Variants in MTHFSD observed in about 807,000 individuals in gnomAD.
The protein encoded by MTHFSD is methenyltetrahydrofolate synthetase domain containing, also known as methenyltetrahydrofolate synthase domain-containing protein.
A neutral mutation model predicts 31.1 loss-of-function variants in MTHFSD; 37 were observed. The observed-to-expected ratio is 1.19, with a 90% CI of 0.91 to 1.56. The LOEUF (loss-of-function observed/expected upper bound fraction) is 1.56, where lower values mean the gene tolerates loss of function less well. Among genes scored for constraint, MTHFSD ranks in the 40% most tolerant of loss-of-function variants. The pLI, the probability that MTHFSD is intolerant of heterozygous loss-of-function variation, is 0.00. For missense variants in MTHFSD, 664 were observed against 510.1 expected (o/e 1.30, Z -2.91); for synonymous variants, 221 against 206.9 (o/e 1.07, Z -0.59).
intron 7 of MTHFSD, chr16:86,532,731 T>G: frequency 3.0e-6 from 1 of 335,660 alleles, no homozygotes. Flanking sequence ...CTGGAGCGTT[T>G]GCCACGAGCT....
intron 7 of MTHFSD, among the ~76,000 whole-genome samples, chr16:86,536,337 A>C (rs1597324924): frequency 6.6e-6 from 1 of 152,196 alleles, no homozygotes; most frequent in Non-Finnish European, 1.5e-5. Context: ...AGGCCAAGGG[A>C]CCGTGCTGCC....
intron 3 of MTHFSD, among the ~76,000 whole-genome samples, chr16:86,551,555 G>A (rs1291190623): frequency 1.3e-5 from 2 of 152,218 alleles, no homozygotes; most frequent in East Asian, 3.8e-4. Context: ...GTTCAGCAGT[G>A]TTGAGAAGAA....
rs1044483867 is a variant in MTHFSD at position 86,532,007 on chromosome 16, G to A, written c.*4C>T. ...TGCAGTGAGCTCCGTGGCTGTCCAC[G>A]AGGTCACTTGTCCCTCTGCTGCCTG... is the stretch of plus-strand genomic sequence containing the variant. On this transcript the variant is annotated 3_prime_UTR_variant, in exon 8 of 8. Coordinates refer to ENST00000360900, the MANE Select transcript of MTHFSD (RefSeq NM_001159377.2). 11 of 1,462,972 alleles carry A rather than the reference G, an allele frequency of 7.5e-6. No individual in the cohort carries two copies. The highest frequency in any genetic ancestry group is 2.8e-5 in the South Asian group (2 of 71,270). The allele number at this position is 1,462,972 out of a possible 1,614,324, so 90.6% of individuals were successfully genotyped here.
chr16:86,555,140 C>G (rs1466045602), intron 1 of MTHFSD, 29 bp downstream of exon 1: 11 of 1,533,440 alleles, frequency 7.2e-6, no homozygotes, highest in South Asian at 6.0e-5. Context: ...CCATTCCCAG[C>G]CGCCCCGGAG....
intron 7 of MTHFSD, chr16:86,533,045 C>G (rs2143306282): frequency 6.6e-6 from 1 of 152,410 alleles, no homozygotes; most frequent in East Asian, 1.9e-4. Flanking sequence ...GCCAAAAATG[C>G]AGAAGCAAGG....
chr16:86,546,435 G>C (rs943315715), intron 5 of MTHFSD, 124 bp downstream of exon 5: 14 of 829,256 alleles, frequency 1.7e-5, no homozygotes, highest in Non-Finnish European at 2.6e-5. Context: ...AGCGGCTTCG[G>C]AGACCAGGTA....
intron 4 of MTHFSD, chr16:86,547,461 G>A (rs1199530956): frequency 1.0e-6 from 1 of 986,074 alleles, no homozygotes; most frequent in Non-Finnish European, 1.2e-6. Context: ...GGTGGCTTGG[G>A]GGTCTCCCGA....
chr16:86,538,230 C>CT (rs5818592), intron 7 of MTHFSD, among the ~76,000 whole-genome samples: 141,212 of 152,218 alleles, frequency 0.93, 65,637 homozygotes, highest in African/African-American at 0.98. Context: ...ATCATTCCTG[C>CT]CCCCAGCTCA....
At chr16:86,547,948 C>T in intron 4 of MTHFSD, 1 of 985,612 alleles carries the variant, frequency 1.0e-6, no homozygotes, top group Non-Finnish European at 1.4e-6. Context: ...TATAATGCAC[C>T]CTAAAGTCAT....
At chr16:86,541,989 C>G (rs1247452368) in intron 6 of MTHFSD, 112 bp downstream of exon 6, 16 of 1,339,260 alleles carry the variant, frequency 1.2e-5, no homozygotes, top group Non-Finnish European at 1.7e-5. Flanking sequence ...CTGGCTGATC[C>G]ACACCACTCG....
intron 3 of MTHFSD, 38 bp from the exon 4 acceptor site, chr16:86,548,615 A>G (rs753392204): frequency 6.6e-7 from 1 of 1,512,832 alleles, no homozygotes; most frequent in Non-Finnish European, 9.1e-7. Flanking sequence ...TACAAAATCA[A>G]ATTATTCCAT....
At position 86,555,212 on chromosome 16, in the gene MTHFSD, C is replaced by G; in HGVS notation, c.-28G>C. ...TGATGCAGTCGCTGTGCGACGCTTC[C>G]CGGCGCAGGTTCTGGCGCGTAGTGA... On this transcript the variant is annotated 5_prime_UTR_variant, in exon 1 of 8. Transcript: ENST00000360900. 2 of 1,536,362 alleles carry G rather than the reference C, an allele frequency of 1.3e-6. No homozygotes were observed. Among genetic ancestry groups the G allele is most frequent in the East Asian group, 2.4e-5 (1 of 40,958 alleles).
rs569443497 is a variant in MTHFSD at position 86,544,957 on chromosome 16, C to A, written c.442+1602G>T. On this transcript the variant is annotated intron_variant, in intron 5 of 7. Coordinates refer to ENST00000360900, the MANE Select transcript of MTHFSD (RefSeq NM_001159377.2). ...TATCCTCAGCAAACGAACGCAGGAACAGAAAACCTAGCACTGCATGTTCTC... is the reference window on the plus strand; with the variant it reads ...TATCCTCAGCAAACGAACGCAGGAAAAGAAAACCTAGCACTGCATGTTCTC... Among the ~76,000 whole-genome samples, 8 of 152,294 alleles carry A rather than the reference C, an allele frequency of 5.3e-5. No homozygotes were observed. In the South Asian group the frequency reaches 1.5e-3, roughly 28 times the overall value.
intron 7 of MTHFSD, among the ~76,000 whole-genome samples, chr16:86,535,022 C>T (rs111413128): frequency 0.053 from 8,078 of 152,146 alleles, 689 homozygotes; most frequent in African/African-American, 0.18. Flanking sequence ...ACTTGGGGTT[C>T]TGCGGCAGAA....
rs755108115 is a variant in MTHFSD, at chr16:86,536,581, C to T, written c.682-4100G>A. Among the ~76,000 whole-genome samples the T allele has an allele frequency of 8.5e-5, 13 of 152,212 alleles. 1 individual carries two copies. Among genetic ancestry groups the T allele is most frequent in the Non-Finnish European group, 1.8e-4 (12 of 68,046 alleles). On this transcript the variant is annotated intron_variant, in intron 7 of 7. Coordinates refer to ENST00000360900, the MANE Select transcript of MTHFSD (RefSeq NM_001159377.2). The stretch of plus-strand genomic sequence containing the variant: ...CAACAGGGGGCCTGACCACAGGCAG[C>T]GCTGCGTTCGACTGTACCCCAACAT...
intron 2 of MTHFSD, 200 bp from the exon 3 acceptor site, chr16:86,552,346 C>T (rs1973288673): frequency 1.4e-6 from 2 of 1,462,046 alleles, no homozygotes; most frequent in South Asian, 1.3e-5. Context: ...CTCAGGCCAA[C>T]TGCAGCCCAA....
intron 7 of MTHFSD, among the ~76,000 whole-genome samples, chr16:86,538,708 C>T (rs147606629): frequency 3.2e-4 from 48 of 152,326 alleles, no homozygotes; most frequent in African/African-American, 1.0e-3. Context: ...TGGAGCTGGA[C>T]GAACTGCCCA....
At chr16:86,554,092 C>T (rs1973649519) in intron 2 of MTHFSD, among the ~76,000 whole-genome samples, 1 of 152,110 alleles carries the variant, frequency 6.6e-6, no homozygotes, top group South Asian at 2.1e-4. Flanking sequence ...AAGCAGGCTG[C>T]CTGAACCAGC....
chr16:86,547,687 T>G (rs1437739077), intron 4 of MTHFSD: 2 of 404,784 alleles, frequency 4.9e-6, no homozygotes, highest in African/African-American at 4.4e-5. Context: ...ATTTTTTACT[T>G]TATTGTATGT....
Sources: allele counts gnomAD v4.1 joint callset (sites outside exome capture counted in the v4.1 genomes callset), GRCh38; gene constraint gnomAD v4.1.1; transcripts MANE v1.5; gene names NCBI Gene and HGNC (gene_info 2026-07-23, HGNC 2026-07-21).